Variants in PTP4A1 observed in about 807,000 individuals in gnomAD.
PTP4A1 encodes the protein protein tyrosine phosphatase type IVA 1.
A neutral mutation model predicts 20.5 loss-of-function variants in PTP4A1; 9 were observed. The observed-to-expected ratio is 0.44, with a 90% CI of 0.26 to 0.77. PTP4A1 has a LOEUF of 0.77. Ranked by LOEUF, PTP4A1 falls within the 30% of genes least tolerant of loss-of-function variation. PTP4A1 has a pLI of 0.19. For synonymous variants in PTP4A1, 78 were observed against 67.4 expected (o/e 1.16, Z -0.77); for missense variants, 137 against 218.8 (o/e 0.63, Z 2.36).
intron 2 of PTP4A1, among the ~76,000 whole-genome samples, chr6:63,546,891 G>T (rs1776208210): frequency 6.6e-6 from 1 of 152,094 alleles, no homozygotes; most frequent in Admixed American, 6.5e-5. Context: ...ATAGCTTTAT[G>T]TATTTCGCAA....
chr6:63,577,012 T>A lies in PTP4A1; in HGVS notation c.105+27T>A, dbSNP rs747853302. 294 of 1,548,612 alleles carry A rather than the reference T, an allele frequency of 1.9e-4. 1 individual carries two copies. In the Middle Eastern group the frequency reaches 3.6e-3, roughly 19 times the overall value. On this transcript the variant is annotated intron_variant, in intron 2 of 5. Coordinates refer to ENST00000626021, the MANE Select transcript of PTP4A1 (RefSeq NM_003463.5). ...TAAGATTTGATATGTTTTAGTAGCT[T>A]AAATTGATTGCAATATAATAGTGGG...
intron 2 of PTP4A1, among the ~76,000 whole-genome samples, chr6:63,538,341 G>C (rs1775808521): frequency 1.3e-5 from 2 of 152,210 alleles, no homozygotes; most frequent in African/African-American, 4.8e-5. Flanking sequence ...CATTGTTACA[G>C]GGATTTCCAT....
At chr6:63,556,243 C>T (rs973882250) in intron 3 of PTP4A1, among the ~76,000 whole-genome samples, 2 of 152,040 alleles carry the variant, frequency 1.3e-5, no homozygotes, top group African/African-American at 4.8e-5. Flanking sequence ...CACTGCAGCT[C>T]TTCCTCCGAG....
In PTP4A1 at chr6:63,536,822, A is replaced by G. The variant is rs1775749063; in HGVS notation, c.-640+8738A>G. On this transcript the variant is annotated intron_variant, in intron 2 of 3. Transcript: ENST00000639568. ...TAATGATAAATACAACATTTAAACT[A>G]TAACATATTTGATAGTCTTAGCAGC... Among the ~76,000 whole-genome samples, 5 of 152,236 alleles carry G rather than the reference A, an allele frequency of 3.3e-5. No homozygotes were observed. In the South Asian group the frequency reaches 1.0e-3, roughly 32 times the overall value.
chr6:63,549,175 G>A (rs1015632193), intron 2 of PTP4A1: 10 of 686,626 alleles, frequency 1.5e-5, no homozygotes, highest in Non-Finnish European at 1.8e-5. Context: ...AACAGCCTCT[G>A]TTTCTTCTCT....
intron 3 of PTP4A1, among the ~76,000 whole-genome samples, chr6:63,555,891 G>A (rs181961879): frequency 1.6e-3 from 236 of 151,890 alleles, no homozygotes; most frequent in African/African-American, 5.2e-3. Context: ...ACAGGGTTTC[G>A]CTATGTTGGC....
At chr6:63,551,872 T>C (rs1443313531) in intron 3 of PTP4A1, among the ~76,000 whole-genome samples, 1 of 152,230 alleles carries the variant, frequency 6.6e-6, no homozygotes, top group Non-Finnish European at 1.5e-5. Flanking sequence ...GGACATGAAC[T>C]CATCATTTTT....
At chr6:63,553,153 T>A (rs1322675419) in intron 3 of PTP4A1, among the ~76,000 whole-genome samples, 1 of 152,186 alleles carries the variant, frequency 6.6e-6, no homozygotes, top group Non-Finnish European at 1.5e-5. Flanking sequence ...AGTATACAAT[T>A]CAAATTTGAA....
chr6:63,544,948 A>G (rs75049517), intron 2 of PTP4A1, among the ~76,000 whole-genome samples: 2,101 of 152,262 alleles, frequency 0.014, 47 homozygotes, highest in African/African-American at 0.048. Context: ...TATAAATACC[A>G]TATTGCATAT....
intron 2 of PTP4A1, among the ~76,000 whole-genome samples, chr6:63,529,796 A>C (rs1186929060): frequency 6.6e-6 from 1 of 152,118 alleles, no homozygotes; most frequent in Non-Finnish European, 1.5e-5. Flanking sequence ...ACCTACCCAC[A>C]TCCTATATTG....
intron 2 of PTP4A1, among the ~76,000 whole-genome samples, chr6:63,550,116 A>G (rs1776372201): frequency 6.6e-6 from 1 of 152,206 alleles, no homozygotes; most frequent in Admixed American, 6.5e-5. Context: ...AAACAGATAA[A>G]TTTTAAAAGA....
chr6:63,564,446 T>C (rs1256868318), intron 3 of PTP4A1, among the ~76,000 whole-genome samples: 2 of 152,174 alleles, frequency 1.3e-5, no homozygotes, highest in South Asian at 2.1e-4. Context: ...AGCATGACTG[T>C]TGTAGCTTTT....
At chr6:63,541,273 A>G (rs1396488505) in intron 2 of PTP4A1, among the ~76,000 whole-genome samples, 1 of 152,086 alleles carries the variant, frequency 6.6e-6, no homozygotes. Flanking sequence ...TCTTAGCTAG[A>G]TTCCCATTCT....
rs1777517445 is a variant in PTP4A1 at position 63,572,568 on chromosome 6, TGCCCCCGCCGCCGCCTGCATCGCC to T, written c.-593_-570del. 7.3e-6 allele frequency: 3 copies of T among 412,668 alleles called. No individual in the cohort carries two copies. Among genetic ancestry groups the T allele is most frequent in the Admixed American group, 4.4e-5 (1 of 22,732 alleles). 25.6% of individuals were successfully genotyped at this position (412,668 alleles called of 1,614,324 possible). A position where few individuals can be genotyped will look rare whatever the true frequency, so the allele number is the denominator to read the frequency against. On this transcript the variant is annotated 5_prime_UTR_variant, in exon 1 of 6. Transcript: ENST00000626021. ...CCGCTCACTGCATGGTAGAGTCTGG[TGCCCCCGCCGCCGCCTGCATCGCC>T]GCCACCGCCGCTCCGCCACGACCAC...
At chr6:63,530,225 T>C (rs545345494) in intron 2 of PTP4A1, among the ~76,000 whole-genome samples, 2 of 152,186 alleles carry the variant, frequency 1.3e-5, no homozygotes, top group Non-Finnish European at 2.9e-5. Flanking sequence ...ACACTTTTTT[T>C]TCATACACTG....
intron 3 of PTP4A1, among the ~76,000 whole-genome samples, chr6:63,554,817 T>C (rs1776608056): frequency 6.6e-6 from 1 of 152,180 alleles, no homozygotes; most frequent in Admixed American, 6.5e-5. Context: ...CAAGCTGTAT[T>C]GTCACTGTTT....
intron 2 of PTP4A1, among the ~76,000 whole-genome samples, chr6:63,530,429 TG>T (rs922262894): frequency 6.6e-6 from 1 of 152,162 alleles, no homozygotes; most frequent in Non-Finnish European, 1.5e-5. Context: ...GTAGTTGGGA[TG>T]GTACCATAAG....
intron 3 of PTP4A1, among the ~76,000 whole-genome samples, chr6:63,556,327 T>A (rs1350662297): frequency 1.3e-5 from 2 of 152,040 alleles, no homozygotes; most frequent in East Asian, 1.9e-4. Context: ...CTTGGTTTTT[T>A]TTTTTCTTGC....
intron 3 of PTP4A1, among the ~76,000 whole-genome samples, chr6:63,561,576 C>A (rs975236013): frequency 6.6e-6 from 1 of 152,042 alleles, no homozygotes; most frequent in Non-Finnish European, 1.5e-5. Context: ...ATTTTGTTTC[C>A]GCTTACAATC....
Sources: gnomAD v4.1 joint callset for allele counts (sites outside exome capture counted in the v4.1 genomes callset) on GRCh38, gnomAD v4.1.1 for gene constraint, MANE v1.5 for transcripts, NCBI Gene and HGNC (gene_info 2026-07-23, HGNC 2026-07-21) for gene names.